TMEM63C: variants seen among roughly 807,000 people sequenced by gnomAD.
TMEM63C encodes transmembrane protein 63C.
A neutral mutation model predicts 99.2 loss-of-function variants in TMEM63C; 32 were observed. The ratio of observed to expected loss-of-function variants is 0.32; its 90% confidence interval spans 0.24 to 0.43. The LOEUF is 0.43. TMEM63C is among the 20% of genes least tolerant of loss of function. The pLI is 1.00. For missense variants in TMEM63C, 826 were observed against 1,053.0 expected, an observed-to-expected ratio of 0.78 and a Z score of 2.98; for synonymous variants, 376 against 397.9, an observed-to-expected ratio of 0.94 and a Z score of 0.66.
At chr14:77,200,340 GCCAGCCA>G (rs1566617665) in intron 1 of TMEM63C, among the ~76,000 whole-genome samples, 1 of 152,192 alleles carries the variant, frequency 6.6e-6, no homozygotes, top group African/African-American at 2.4e-5. Context: ...TGGAGGTTGT[GCCAGCCA>G]CCACCCCTCA....
At chr14:77,231,550 G>C in intron 6 of TMEM63C, 38 bp from the exon 7 acceptor site, 1 of 1,548,812 alleles carries the variant, frequency 6.5e-7, no homozygotes, top group Non-Finnish European at 8.7e-7. Flanking sequence ...GGCCACGCTG[G>C]CTCCTGAGGC....
chr14:77,185,338 G>C (rs544568105), intron 1 of TMEM63C, among the ~76,000 whole-genome samples: 1 of 152,320 alleles, frequency 6.6e-6, no homozygotes, highest in East Asian at 1.9e-4. Flanking sequence ...AGAAAGATCA[G>C]CTTCCAACAG....
At chr14:77,242,616 G>T (rs1889197325) in intron 14 of TMEM63C, 147 bp downstream of exon 14, 5 of 1,195,124 alleles carry the variant, frequency 4.2e-6, no homozygotes, top group Non-Finnish European at 5.9e-6. Context: ...CACAACCTGT[G>T]TGTATGCCCA....
chr14:77,196,833 G>T (rs79161765), intron 1 of TMEM63C, among the ~76,000 whole-genome samples: 7 of 152,164 alleles, frequency 4.6e-5, no homozygotes, highest in African/African-American at 1.7e-4. Flanking sequence ...TCAAAACAGC[G>T]CGGGAAGCCC....
chr14:77,186,776 G>GGTATGTGT (rs1555345686), intron 1 of TMEM63C, among the ~76,000 whole-genome samples: 29 of 138,438 alleles, frequency 2.1e-4, no homozygotes, highest in African/African-American at 7.5e-4. Context: ...GAACCAAAGG[G>GGTATGTGT]GTGTGTGTGT....
chr14:77,218,779 C>A, intron 2 of TMEM63C, 22 bp from the exon 3 acceptor site: 1 of 1,610,958 alleles, frequency 6.2e-7, no homozygotes, highest in Non-Finnish European at 8.5e-7. Context: ...TGCATCTGAC[C>A]TGGATGCCCT....
chr14:77,249,313 G>A lies in TMEM63C; in HGVS notation c.1893G>A (p.Lys631=). 1 of 1,614,024 alleles carries A rather than the reference G, an allele frequency of 6.2e-7. No homozygotes were observed. Among genetic ancestry groups the A allele is most frequent in the Non-Finnish European group, 8.5e-7 (1 of 1,179,898 alleles). The change falls in exon 21 of 24, where the codon AAG becomes AAA. Residue 631 remains lysine, a synonymous_variant. Transcript: ENST00000298351. The part of the protein sequence containing the change: ...VPFGLLYLCM[K]HLTDRYNMYY... ...CAGGGTTGCTCTACCTGTGCATGAA[G>A]CACTTGACGGATCGCTATAACATGT...
Position 77,218,876 on chromosome 14 carries a change from A to C in TMEM63C, c.63A>C (p.Glu21Asp). The C allele has an allele frequency of 6.2e-7, 1 of 1,613,692 alleles. No individual in the cohort carries two copies. The highest frequency in any genetic ancestry group is 8.5e-7 in the Non-Finnish European group (1 of 1,179,788). ...GGTTACAGAACATGACAGTGGATGA[A>C]TGCTTCCAGTCTCGGAACACCGTCC... ...GGRLQNMTVD[E>D]CFQSRNTVLQ... Residue 21 changes from glutamate to aspartate, a missense_variant, in exon 3 of 24, where the codon GAA (glutamate) becomes GAC (aspartate). Transcript: ENST00000298351.
In TMEM63C at chr14:77,219,591, G is replaced by A. The variant is rs542160591; in HGVS notation, c.230+14G>A. 1.5e-5 allele frequency: 24 copies of A among 1,613,464 alleles called. No individual in the cohort carries two copies. Among genetic ancestry groups the A allele is most frequent in the South Asian group, 4.4e-5 (4 of 91,066 alleles). ...ACACAATGACAGGTGAGGAGGGGTC[G>A]AGATGGGTGAGCCGTTGCCCCCTTG... is the stretch of plus-strand genomic sequence containing the variant. On this transcript the variant is annotated intron_variant, in intron 4 of 23. Transcript: ENST00000298351.
intron 17 of TMEM63C, 119 bp downstream of exon 17, chr14:77,246,145 C>A: frequency 1.2e-6 from 1 of 810,402 alleles, no homozygotes; most frequent in Non-Finnish European, 2.1e-6. Context: ...CAAAGACAGC[C>A]CCATGCCTGT....
At chr14:77,211,124 G>T (rs1018534330) in intron 1 of TMEM63C, among the ~76,000 whole-genome samples, 1 of 152,224 alleles carries the variant, frequency 6.6e-6, no homozygotes, top group Admixed American at 6.5e-5. Context: ...TCACCCTAAA[G>T]GCTAGGGAAG....
intron 1 of TMEM63C, among the ~76,000 whole-genome samples, chr14:77,209,243 C>T (rs1888455636): frequency 6.6e-6 from 1 of 152,146 alleles, no homozygotes; most frequent in Admixed American, 6.5e-5. Flanking sequence ...GAGCCAGATT[C>T]ACACCCAGTC....
intron 3 of TMEM63C, 42 bp downstream of exon 3, chr14:77,219,005 G>C (rs1471486909): frequency 3.2e-5 from 47 of 1,480,928 alleles, no homozygotes; most frequent in Non-Finnish European, 4.1e-5. Flanking sequence ...TAAAGCCTCA[G>C]ACAGGGTCGA....
chr14:77,212,518 T>C (rs1341554730), intron 1 of TMEM63C, among the ~76,000 whole-genome samples: 1 of 152,252 alleles, frequency 6.6e-6, no homozygotes, highest in Non-Finnish European at 1.5e-5. Flanking sequence ...CCAGTGCTGG[T>C]GCTTTAGTCT....
At chr14:77,209,208 G>C (rs1360089233) in intron 1 of TMEM63C, among the ~76,000 whole-genome samples, 1 of 152,130 alleles carries the variant, frequency 6.6e-6, no homozygotes, top group Non-Finnish European at 1.5e-5. Context: ...ATAGCAAGAG[G>C]TTAACTAGCA....
At chr14:77,238,838 G>A in intron 10 of TMEM63C, 71 bp downstream of exon 10, 2 of 1,262,692 alleles carry the variant, frequency 1.6e-6, no homozygotes, top group Non-Finnish European at 2.3e-6. Context: ...CCTCAAGTGG[G>A]TAGTGAGTTG....
chr14:77,231,778 C>T, intron 7 of TMEM63C, 48 bp downstream of exon 7: 1 of 1,547,958 alleles, frequency 6.5e-7, no homozygotes, highest in Non-Finnish European at 8.7e-7. Flanking sequence ...ACCTGAGAGG[C>T]AGCCAGGCAA....
At chr14:77,256,409 G>T (rs1889461367) in intron 23 of TMEM63C, 117 bp from the exon 24 acceptor site, 1 of 980,434 alleles carries the variant, frequency 1.0e-6, no homozygotes, top group South Asian at 1.5e-5. Context: ...AAGAAGGCAG[G>T]CTCCAAGGTC....
chr14:77,248,215 TCTC>T (rs1889296418), intron 18 of TMEM63C, 129 bp from the exon 19 acceptor site: 1 of 750,844 alleles, frequency 1.3e-6, no homozygotes, highest in Non-Finnish European at 2.1e-6. Flanking sequence ...GAAATGTTAT[TCTC>T]CTTGTCTGTA....
Sources: allele counts gnomAD v4.1 joint callset (sites outside exome capture counted in the v4.1 genomes callset), GRCh38; gene constraint gnomAD v4.1.1; transcripts MANE v1.5; gene names NCBI Gene and HGNC (gene_info 2026-07-23, HGNC 2026-07-21).